RXFP1: variants seen among roughly 807,000 people sequenced by gnomAD.
RXFP1 encodes relaxin receptor 1.
Under a neutral mutation model 89.8 loss-of-function variants are expected in RXFP1, and 73 were observed. The observed-to-expected ratio is 0.81, with a 90% CI of 0.67 to 0.99. The LOEUF (loss-of-function observed/expected upper bound fraction) is 0.99, where lower values mean the gene tolerates loss of function less well. Ranked by LOEUF, RXFP1 falls within the 50% of genes least tolerant of loss-of-function variation. RXFP1 has a pLI of 0.00. For synonymous variants in RXFP1, 277 were observed against 305.5 expected, an observed-to-expected ratio of 0.91 and a Z score of 0.97; for missense variants, 793 against 895.5, an observed-to-expected ratio of 0.89 and a Z score of 1.46.
At chr4:158,649,817 C>T (rs1580350006) in intron 17 of RXFP1, among the ~76,000 whole-genome samples, 1 of 152,286 alleles carries the variant, frequency 6.6e-6, no homozygotes, top group East Asian at 1.9e-4. Flanking sequence ...TTTAAACCAT[C>T]CAATGGTTTA....
Position 158,592,471 on chromosome 4 carries a change from G to T in RXFP1, c.188-930G>T, listed in dbSNP as rs191394558. On this transcript the variant is annotated intron_variant, in intron 2 of 17. Transcript: ENST00000307765. The stretch of plus-strand genomic sequence containing the variant: ...TGCCTGGAATCCTAGCTACTCGGGA[G>T]GCTGAGGCAGGAGAATCACTTGAGC... Among the ~76,000 whole-genome samples the T allele has an allele frequency of 6.3e-4, 96 of 152,296 alleles. 1 individual carries two copies. Among genetic ancestry groups the T allele is most frequent in the African/African-American group, 2.1e-3 (86 of 41,560 alleles).
At position 158,628,727 on chromosome 4, in the gene RXFP1, T is replaced by A. The variant is rs1308922726; in HGVS notation, c.899+18T>A. 10 of 1,379,664 alleles carry A rather than the reference T, an allele frequency of 7.2e-6. No individual in the cohort carries two copies. The highest frequency in any genetic ancestry group is 1.0e-5 in the Non-Finnish European group (10 of 987,770). 85.5% of individuals were successfully genotyped at this position (1,379,664 alleles called of 1,614,324 possible). ...GATGAATTGTAAGTATGACTGAACA[T>A]ATACTGATAAGAATTTTCTTTCTAC... On this transcript the variant is annotated intron_variant, in intron 11 of 17. Transcript: ENST00000307765.
Position 158,652,476 on chromosome 4 carries a change from G to A in RXFP1, c.*421G>A, listed in dbSNP as rs534970943. The A allele has an allele frequency of 6.5e-6, 1 of 153,826 alleles. No individual in the cohort carries two copies. The highest frequency in any genetic ancestry group is 2.4e-5 in the African/African-American group (1 of 41,638). 9.5% of individuals were successfully genotyped at this position (153,826 alleles called of 1,614,324 possible). ...TTTAAAGTAGAGCTTTACCTGTCATGTGCATCAGCAAGAATCATAGGCACT... is the reference window on the plus strand; with the variant it reads ...TTTAAAGTAGAGCTTTACCTGTCATATGCATCAGCAAGAATCATAGGCACT... On this transcript the variant is annotated 3_prime_UTR_variant, in exon 18 of 18. Coordinates refer to ENST00000307765, the MANE Select transcript of RXFP1 (RefSeq NM_021634.4).
chr4:158,553,585 G>A (rs1229171240), intron 1 of RXFP1, among the ~76,000 whole-genome samples: 1 of 152,158 alleles, frequency 6.6e-6, no homozygotes, highest in Non-Finnish European at 1.5e-5. Flanking sequence ...CAGGTACGGG[G>A]TAGGCCACCT....
chr4:158,646,984 C>T lies in RXFP1; in HGVS notation c.1539C>T (p.Cys513=), dbSNP rs1771684390. ...TTCTGACATTGGAAAAATACATCTG[C>T]ATTGTCTATCCTTTTAGATGTGTGA... ...LTFLTLEKYI[C]IVYPFRCVRP... The change falls in exon 16 of 18, where the codon TGC becomes TGT. Residue 513 remains cysteine, a synonymous_variant. Transcript: ENST00000307765. The T allele has an allele frequency of 6.2e-7, 1 of 1,614,026 alleles. No homozygotes were observed. The highest frequency in any genetic ancestry group is 1.6e-4 in the Middle Eastern group (1 of 6,062).
intron 2 of RXFP1, among the ~76,000 whole-genome samples, chr4:158,582,451 CA>C (rs1253099645): frequency 6.6e-6 from 1 of 152,084 alleles, no homozygotes; most frequent in East Asian, 1.9e-4. Flanking sequence ...CTCAGATGTG[CA>C]TAAATCCATC....
At chr4:158,591,657 G>A (rs1759505139) in intron 2 of RXFP1, among the ~76,000 whole-genome samples, 1 of 152,064 alleles carries the variant, frequency 6.6e-6, no homozygotes. Flanking sequence ...CCTGAGGGAG[G>A]AGGATCACTT....
intron 1 of RXFP1, among the ~76,000 whole-genome samples, chr4:158,569,134 C>G (rs182968397): frequency 2.0e-5 from 3 of 152,200 alleles, no homozygotes; most frequent in Non-Finnish European, 2.9e-5. Context: ...TCGTAATTGC[C>G]AAAACTTAGA....
chr4:158,535,597 CTGGAAAG>C (rs2149808242), intron 1 of RXFP1, among the ~76,000 whole-genome samples: 1 of 152,370 alleles, frequency 6.6e-6, no homozygotes, highest in South Asian at 2.1e-4. Context: ...ACTTGAGTCA[CTGGAAAG>C]ATACAGGCTA....
chr4:158,572,634 T>G, intron 1 of RXFP1, 64 bp from the exon 2 acceptor site: 1 of 1,408,438 alleles, frequency 7.1e-7, no homozygotes, highest in East Asian at 2.3e-5. Context: ...AGGGAGAAAC[T>G]GCTCTTTGCC....
chr4:158,591,700 G>C (rs570152362), intron 2 of RXFP1, among the ~76,000 whole-genome samples: 5 of 152,142 alleles, frequency 3.3e-5, no homozygotes, highest in Non-Finnish European at 7.3e-5. Context: ...AGTGAGCTGA[G>C]ATTGCACCAC....
At chr4:158,554,208 C>T (rs1439223072) in intron 1 of RXFP1, among the ~76,000 whole-genome samples, 5 of 152,140 alleles carry the variant, frequency 3.3e-5, no homozygotes, top group African/African-American at 1.2e-4. Flanking sequence ...TATTACAATT[C>T]AATGATTTTT....
intron 1 of RXFP1, among the ~76,000 whole-genome samples, chr4:158,562,362 A>C (rs1344256966): frequency 6.6e-6 from 1 of 150,672 alleles, no homozygotes; most frequent in African/African-American, 2.4e-5. Flanking sequence ...GTCTCTACTA[A>C]AAATACAAAA....
At chr4:158,639,874 A>AG (rs1409620461) in intron 14 of RXFP1, among the ~76,000 whole-genome samples, 4 of 152,108 alleles carry the variant, frequency 2.6e-5, no homozygotes, top group Non-Finnish European at 5.9e-5. Context: ...AGAAAAAAAA[A>AG]GAAAAGAAAA....
At chr4:158,596,775 T>C (rs1760698838) in intron 3 of RXFP1, among the ~76,000 whole-genome samples, 1 of 152,220 alleles carries the variant, frequency 6.6e-6, no homozygotes, top group African/African-American at 2.4e-5. Flanking sequence ...AGCCTAGTTA[T>C]GAATTTCATA....
chr4:158,531,756 A>G (rs139021543), intron 1 of RXFP1, among the ~76,000 whole-genome samples: 1 of 152,324 alleles, frequency 6.6e-6, no homozygotes, highest in East Asian at 1.9e-4. Flanking sequence ...GAAACCTCAT[A>G]TGTGTAAAAA....
intron 1 of RXFP1, among the ~76,000 whole-genome samples, chr4:158,549,657 T>C (rs1044021526): frequency 4.6e-5 from 7 of 152,214 alleles, no homozygotes; most frequent in African/African-American, 1.7e-4. Flanking sequence ...TTTGTTAGTT[T>C]TCCTTCTAAC....
At chr4:158,559,328 G>A (rs1285268595) in intron 1 of RXFP1, among the ~76,000 whole-genome samples, 2 of 152,056 alleles carry the variant, frequency 1.3e-5, no homozygotes, top group Non-Finnish European at 2.9e-5. Flanking sequence ...TAAAATTCTA[G>A]TCAAAGACTT....
Position 158,631,486 on chromosome 4 carries a change from T to G in RXFP1, c.900-1919T>G, listed in dbSNP as rs150588587. ...TCACGTTTCAGAAAGGAAGCACATA[T>G]GTACAGAAACAGTTGTAGTATGATG... On this transcript the variant is annotated intron_variant, in intron 11 of 17. Coordinates refer to ENST00000307765, the MANE Select transcript of RXFP1 (RefSeq NM_021634.4). 3.5e-3 allele frequency among the ~76,000 whole-genome samples: 526 copies of G among 152,316 alleles called. 3 individuals carry two copies. Among genetic ancestry groups the G allele is most frequent in the Middle Eastern group, 0.01 (3 of 294 alleles).
Sources: gnomAD v4.1 joint callset for allele counts (sites outside exome capture counted in the v4.1 genomes callset) on GRCh38, gnomAD v4.1.1 for gene constraint, MANE v1.5 for transcripts, NCBI Gene and HGNC (gene_info 2026-07-23, HGNC 2026-07-21) for gene names.